Variants in MTDH observed in about 807,000 individuals in gnomAD.
MTDH encodes protein LYRIC.
Under a neutral mutation model 72.7 loss-of-function variants are expected in MTDH, and 34 were observed. The ratio of observed to expected loss-of-function variants is 0.47; its 90% CI spans 0.36 to 0.62. The LOEUF is 0.62. Among genes scored for constraint, MTDH ranks in the 20% least tolerant of loss-of-function variants. MTDH has a pLI of 0.00. For synonymous variants in MTDH, 266 were observed against 268.9 expected, an observed-to-expected ratio of 0.99 and a Z score of 0.10; for missense variants, 677 against 699.4, an observed-to-expected ratio of 0.97 and a Z score of 0.36.
rs193163130 is a variant in MTDH, at chr8:97,679,717, A to G, written c.484-6951A>G. Among the ~76,000 whole-genome samples, 79 of 152,360 alleles carry G rather than the reference A, an allele frequency of 5.2e-4. 2 individuals carry two copies. In the East Asian group the frequency reaches 9.4e-3, roughly 18 times the overall value. On this transcript the variant is annotated intron_variant, in intron 2 of 11. Transcript: ENST00000336273. ...GTGTAGTAGAATGTGTATAAAATTT[A>G]TAAACAAATATCTTGGGGTATATGC... is the stretch of plus-strand genomic sequence containing the variant.
rs528406120 is a variant in MTDH, at chr8:97,728,694, G to A, written c.*4024G>A. ...CCAAGCTCTTTGGGAGGCCAACGCGGGAGGATTGTTTGAGCCCAGGAGTTT... is the reference window on the plus strand; with the variant it reads ...CCAAGCTCTTTGGGAGGCCAACGCGAGAGGATTGTTTGAGCCCAGGAGTTT... On this transcript the variant is annotated 3_prime_UTR_variant, in exon 12 of 12. Coordinates refer to ENST00000336273, the MANE Select transcript of MTDH (RefSeq NM_178812.4). 3 of 150,648 alleles carry A rather than the reference G, an allele frequency of 2.0e-5. No homozygotes were observed. The highest frequency in any genetic ancestry group is 7.3e-5 in the African/African-American group (3 of 41,004). The allele number at this position is 150,648 out of a possible 1,614,324, so 9.3% of individuals were successfully genotyped here.
chr8:97,665,210 A>G (rs1292686586), intron 2 of MTDH, among the ~76,000 whole-genome samples: 2 of 152,196 alleles, frequency 1.3e-5, no homozygotes, highest in African/African-American at 2.4e-5. Flanking sequence ...AAGCTGTGAT[A>G]TTGATTACCT....
intron 6 of MTDH, among the ~76,000 whole-genome samples, chr8:97,697,150 A>ATATATATATATTTTTTTTTT: frequency 1.5e-5 from 1 of 68,792 alleles, no homozygotes; most frequent in Admixed American, 1.6e-4. Flanking sequence ...ATATATATAT[A>ATATATATATATTTTTTTTTT]TTTTTTTTTT....
At chr8:97,700,880 G>A (rs1414202728) in intron 7 of MTDH, among the ~76,000 whole-genome samples, 2 of 152,108 alleles carry the variant, frequency 1.3e-5, no homozygotes, top group Non-Finnish European at 2.9e-5. Flanking sequence ...AATCATCAAG[G>A]TAAGCTGGCG....
intron 1 of MTDH, among the ~76,000 whole-genome samples, chr8:97,660,669 T>TTTTG (rs1030018400): frequency 6.6e-6 from 1 of 152,134 alleles, no homozygotes; most frequent in African/African-American, 2.4e-5. Context: ...GTTTGCTGAC[T>TTTTG]TTTGAGTAGA....
intron 9 of MTDH, among the ~76,000 whole-genome samples, chr8:97,716,279 G>T (rs1458747441): frequency 6.6e-6 from 1 of 152,064 alleles, no homozygotes; most frequent in Admixed American, 6.6e-5. Context: ...CCAGCTACTC[G>T]GGAGGCTGAG....
intron 2 of MTDH, among the ~76,000 whole-genome samples, chr8:97,682,032 G>A (rs1300911216): frequency 6.6e-6 from 1 of 151,320 alleles, no homozygotes; most frequent in Non-Finnish European, 1.5e-5. Flanking sequence ...AAGAACTGTG[G>A]TAACAAGGAA....
rs1242588795 is a variant in MTDH, at chr8:97,687,479, C to T, written c.619C>T (p.Arg207Cys). Reference sequence around the variant, plus strand: ...CAGAGAGAAACGACAGCAGCGTAAACGTGATAAGGTGCTGACTGATTCTGG... The same window carrying T: ...CAGAGAGAAACGACAGCAGCGTAAATGTGATAAGGTGCTGACTGATTCTGG... ...SHREKRQQRK[R>C]DKVLTDSGSL... Residue 207 changes from arginine (R) to cysteine (C), a missense_variant, in exon 4 of 12, where the codon CGT becomes TGT. Transcript: ENST00000336273. 6.2e-7 allele frequency: 1 copy of T among 1,611,860 alleles called. No homozygotes were observed. Among genetic ancestry groups the T allele is most frequent in the Admixed American group, 1.7e-5 (1 of 59,650 alleles).
At position 97,729,305 on chromosome 8, in the gene MTDH, G is replaced by A. The variant is rs575089729; in HGVS notation, c.*4635G>A. Among the ~76,000 whole-genome samples the A allele has an allele frequency of 5.5e-4, 83 of 152,168 alleles. No homozygotes were observed. Among genetic ancestry groups the A allele is most frequent in the African/African-American group, 1.9e-3 (78 of 41,536 alleles). Reference sequence around the variant, plus strand: ...CTATCGGCATCTGAGCCAGCTGGTAGAGGGCATTACCTCCCCCACCCCCAA... The same window carrying A: ...CTATCGGCATCTGAGCCAGCTGGTAAAGGGCATTACCTCCCCCACCCCCAA... On this transcript the variant is annotated 3_prime_UTR_variant, in exon 12 of 12. Transcript: ENST00000336273.
chr8:97,718,072 G>C (rs1022057686), intron 9 of MTDH, among the ~76,000 whole-genome samples: 1 of 150,622 alleles, frequency 6.6e-6, no homozygotes, highest in African/African-American at 2.4e-5. Context: ...TTTTAGTAGA[G>C]ATAGGGTTTC....
At chr8:97,703,732 A>G (rs1390436401) in intron 7 of MTDH, among the ~76,000 whole-genome samples, 1 of 152,218 alleles carries the variant, frequency 6.6e-6, no homozygotes, top group African/African-American at 2.4e-5. Flanking sequence ...GAATTGTGAG[A>G]AATAAATTTT....
intron 8 of MTDH, among the ~76,000 whole-genome samples, chr8:97,709,396 G>A (rs746057523): frequency 1.3e-5 from 2 of 152,072 alleles, no homozygotes; most frequent in Admixed American, 6.6e-5. Flanking sequence ...ATGTTTGTTG[G>A]ACATTTAACA....
At chr8:97,668,392 T>C (rs1563531495) in intron 2 of MTDH, among the ~76,000 whole-genome samples, 1 of 152,104 alleles carries the variant, frequency 6.6e-6, no homozygotes, top group Non-Finnish European at 1.5e-5. Flanking sequence ...AAAAGATTCA[T>C]GCACATTGCA....
intron 5 of MTDH, 88 bp from the exon 6 acceptor site, chr8:97,690,864 T>C: frequency 1.1e-6 from 1 of 922,260 alleles, no homozygotes; most frequent in Non-Finnish European, 1.6e-6. Flanking sequence ...GTAATAAATA[T>C]AAGTCAAGCA....
At chr8:97,681,031 T>C (rs1813046983) in intron 2 of MTDH, among the ~76,000 whole-genome samples, 1 of 152,218 alleles carries the variant, frequency 6.6e-6, no homozygotes, top group African/African-American at 2.4e-5. Flanking sequence ...CAGTTTTAAA[T>C]GTTTTGAGAT....
intron 2 of MTDH, among the ~76,000 whole-genome samples, chr8:97,666,841 T>C (rs1586218178): frequency 6.6e-6 from 1 of 151,976 alleles, no homozygotes; most frequent in Admixed American, 6.6e-5. Context: ...GAATTACAGG[T>C]ACCTGCCACT....
intron 8 of MTDH, 47 bp downstream of exon 8, chr8:97,706,797 A>G (rs370046198): frequency 3.7e-5 from 59 of 1,582,790 alleles, no homozygotes; most frequent in Non-Finnish European, 4.7e-5. Context: ...TGAAAGAGAC[A>G]GGCTGGGCAC....
intron 1 of MTDH, among the ~76,000 whole-genome samples, chr8:97,645,809 T>C (rs1811543950): frequency 6.6e-6 from 1 of 152,232 alleles, no homozygotes; most frequent in Admixed American, 6.5e-5. Context: ...AAAAATATTT[T>C]ACATTTGAGC....
chr8:97,712,203 A>G (rs978342814), intron 8 of MTDH, among the ~76,000 whole-genome samples: 4 of 152,038 alleles, frequency 2.6e-5, no homozygotes, highest in African/African-American at 7.2e-5. Flanking sequence ...AGGCCCAGCT[A>G]ATTTTTTTAT....
Sources: gnomAD v4.1 joint callset for allele counts (sites outside exome capture counted in the v4.1 genomes callset) on GRCh38, gnomAD v4.1.1 for gene constraint, MANE v1.5 for transcripts, NCBI Gene and HGNC (gene_info 2026-07-23, HGNC 2026-07-21) for gene names.